Variants in SLIT2 observed in about 807,000 individuals in gnomAD.
The protein encoded by SLIT2 is slit homolog 2 protein.
In SLIT2, 41 loss-of-function variants were observed where a neutral mutation model predicts 185.7. The observed-to-expected ratio is 0.22, with a 90% CI of 0.17 to 0.29. The LOEUF (loss-of-function observed/expected upper bound fraction) is 0.29. Among genes scored for constraint, SLIT2 ranks in the 10% least tolerant of loss-of-function variants. SLIT2 has a pLI of 1.00. For missense variants in SLIT2, 1,571 were observed against 1,909.0 expected (o/e 0.82, Z 3.30); for synonymous variants, 693 against 680.2 (o/e 1.02, Z -0.29).
intron 4 of SLIT2, among the ~76,000 whole-genome samples, chr4:20,455,605 T>C (rs548724499): frequency 5.3e-5 from 8 of 152,162 alleles, no homozygotes; most frequent in South Asian, 4.2e-4. Flanking sequence ...TATTGAGCGA[T>C]AAAAATAAAT....
At chr4:20,598,072 A>G (rs1728120710) in intron 32 of SLIT2, among the ~76,000 whole-genome samples, 193 bp from the exon 33 acceptor site, 2 of 152,142 alleles carry the variant, frequency 1.3e-5, no homozygotes, top group African/African-American at 4.8e-5. Context: ...AAGTTTCTTC[A>G]TGGATTTATT....
At chr4:20,477,684 C>A (rs1265405792) in intron 5 of SLIT2, among the ~76,000 whole-genome samples, 1 of 152,172 alleles carries the variant, frequency 6.6e-6, no homozygotes, top group Non-Finnish European at 1.5e-5. Flanking sequence ...TAAGTTAGGT[C>A]AGCTGAAGGT....
rs560504760 is a variant in SLIT2 at position 20,595,940 on chromosome 4, T to A, written c.3320+106T>A. 5 of 946,990 alleles carry A rather than the reference T, an allele frequency of 5.3e-6. No homozygotes were observed. The Admixed American group carries it at 1.3e-4, about 25-fold the overall frequency. The allele number at this position is 946,990 out of a possible 1,614,324, so 58.7% of individuals were successfully genotyped here. ...GTACATTTTAAAATAACTAAAAGAG[T>A]ATAACTGGATTGTTTGTAACACAAG... On this transcript the variant is annotated intron_variant, in intron 31 of 36. Coordinates refer to ENST00000504154, the MANE Select transcript of SLIT2 (RefSeq NM_004787.4).
chr4:20,562,455 C>T (rs1298597694), intron 26 of SLIT2, among the ~76,000 whole-genome samples: 6 of 151,760 alleles, frequency 4.0e-5, no homozygotes, highest in Non-Finnish European at 7.4e-5. Flanking sequence ...GGATTCTTCT[C>T]CCTTGATGGC....
At chr4:20,504,735 G>GC (rs1275707802) in intron 9 of SLIT2, among the ~76,000 whole-genome samples, 1 of 152,108 alleles carries the variant, frequency 6.6e-6, no homozygotes, top group African/African-American at 2.4e-5. Context: ...TAGTGTATGT[G>GC]TGGGGGTGTG....
At chr4:20,472,230 A>AGATC (rs1715125501) in intron 5 of SLIT2, among the ~76,000 whole-genome samples, 1 of 104,244 alleles carries the variant, frequency 9.6e-6, no homozygotes, top group African/African-American at 3.6e-5. Flanking sequence ...GTGTATATAT[A>AGATC]TATAGATCTA....
At chr4:20,454,207 A>T (rs539722557) in intron 4 of SLIT2, among the ~76,000 whole-genome samples, 1 of 152,262 alleles carries the variant, frequency 6.6e-6, no homozygotes, top group Admixed American at 6.5e-5. Context: ...GTGGTACCTG[A>T]TTATTCTATG....
intron 27 of SLIT2, 23 bp downstream of exon 27, chr4:20,567,409 T>G: frequency 6.2e-7 from 1 of 1,612,856 alleles, no homozygotes; most frequent in Non-Finnish European, 8.5e-7. Context: ...ACTTTAAGAG[T>G]CACAGTTTGA....
chr4:20,313,844 C>T (rs915978371), intron 4 of SLIT2, among the ~76,000 whole-genome samples: 6 of 152,192 alleles, frequency 3.9e-5, no homozygotes, highest in East Asian at 1.9e-4. Flanking sequence ...CGGCAATGCT[C>T]ACTTGCCTGC....
chr4:20,427,192 C>G (rs1333406883), intron 4 of SLIT2, among the ~76,000 whole-genome samples: 1 of 152,164 alleles, frequency 6.6e-6, no homozygotes, highest in African/African-American at 2.4e-5. Context: ...GTGATCCGGC[C>G]TGAACCAATA....
At chr4:20,391,662 T>C (rs1236550045) in intron 4 of SLIT2, among the ~76,000 whole-genome samples, 1 of 152,112 alleles carries the variant, frequency 6.6e-6, no homozygotes, top group African/African-American at 2.4e-5. Flanking sequence ...GATGGTGGAA[T>C]AGTTGAGTAA....
rs1404028707 is a variant in SLIT2 at position 20,620,455 on chromosome 4, A to G, written c.*1446A>G. 1 of 454,020 alleles carries G rather than the reference A, an allele frequency of 2.2e-6. No individual in the cohort carries two copies. The highest frequency in any genetic ancestry group is 2.0e-5 in the African/African-American group (1 of 50,012). 28.1% of individuals were successfully genotyped at this position (454,020 alleles called of 1,614,324 possible). A position where few individuals can be genotyped will look rare whatever the true frequency, so the allele number is the denominator to read the frequency against. The stretch of plus-strand genomic sequence containing the variant: ...CTTCCTGAAAACTTCTTTTTTTACA[A>G]AGAAAATTAGATGTACATGTATAAT... On this transcript the variant is annotated 3_prime_UTR_variant, in exon 37 of 37. Transcript: ENST00000504154.
At chr4:20,430,872 T>C (rs866571469) in intron 4 of SLIT2, among the ~76,000 whole-genome samples, 1 of 152,198 alleles carries the variant, frequency 6.6e-6, no homozygotes, top group African/African-American at 2.4e-5. Context: ...AGGCTCTACA[T>C]TGAGATCCAT....
Position 20,451,301 on chromosome 4 carries a change from A to G in SLIT2, c.396-16451A>G, listed in dbSNP as rs142017551. On this transcript the variant is annotated intron_variant, in intron 4 of 36. Coordinates refer to ENST00000504154, the MANE Select transcript of SLIT2 (RefSeq NM_004787.4). ...TAAAAACTTTACATTTCCCTCCCCA[A>G]TGTTAATGTTATGACTTCTTTGGAG... 2.7e-3 allele frequency among the ~76,000 whole-genome samples: 415 copies of G among 152,294 alleles called. 1 individual carries two copies. Among genetic ancestry groups the G allele is most frequent in the African/African-American group, 7.9e-3 (330 of 41,564 alleles).
chr4:20,277,544 A>C (rs1714289272), intron 4 of SLIT2, among the ~76,000 whole-genome samples: 1 of 151,598 alleles, frequency 6.6e-6, no homozygotes, highest in Non-Finnish European at 1.5e-5. Context: ...AGTTTATCTT[A>C]AGAAGTTTAA....
chr4:20,575,390 A>G (rs548986357), intron 29 of SLIT2, among the ~76,000 whole-genome samples: 1 of 152,330 alleles, frequency 6.6e-6, no homozygotes, highest in East Asian at 1.9e-4. Flanking sequence ...AATAAAAAGA[A>G]TGTATATCAT....
At chr4:20,283,120 G>GCGCGCACA (rs143964894) in intron 4 of SLIT2, among the ~76,000 whole-genome samples, 27,363 of 149,814 alleles carry the variant, frequency 0.18, 3,191 homozygotes, top group East Asian at 0.45. Flanking sequence ...GTGCGCGCGC[G>GCGCGCACA]CACACACACA....
intron 33 of SLIT2, among the ~76,000 whole-genome samples, chr4:20,605,114 G>A (rs140422725): frequency 8.5e-5 from 13 of 152,248 alleles, no homozygotes; most frequent in African/African-American, 2.6e-4. Context: ...AATTACAGGC[G>A]TGAGCCACCG....
At chr4:20,256,159 T>C (rs563695615) in intron 1 of SLIT2, among the ~76,000 whole-genome samples, 100 of 152,350 alleles carry the variant, frequency 6.6e-4, no homozygotes, top group African/African-American at 2.3e-3. Flanking sequence ...TGCAAGTCTT[T>C]GAAGTGCAGT....
Sources: gnomAD v4.1 joint callset for allele counts (sites outside exome capture counted in the v4.1 genomes callset) on GRCh38, gnomAD v4.1.1 for gene constraint, MANE v1.5 for transcripts, NCBI Gene and HGNC (gene_info 2026-07-23, HGNC 2026-07-21) for gene names.